The following MAMSTR variants were observed in gnomAD, a reference collection of about 807,000 sequenced individuals.
The protein encoded by MAMSTR is MEF2 activating motif and SAP domain containing transcriptional regulator.
MAMSTR carries 41 observed loss-of-function variants against 42.7 expected under a neutral mutation model. The observed-to-expected ratio is 0.96, with a 90% confidence interval of 0.75 to 1.25. The LOEUF is 1.25. MAMSTR is among the 50% of genes most tolerant of loss of function. The probability of loss-of-function intolerance (pLI) is 0.00; values close to 1 mark genes in which losing one functional copy is unlikely to be tolerated. For missense variants in MAMSTR, 567 were observed against 557.6 expected, an observed-to-expected ratio of 1.02 and a Z score of -0.17; for synonymous variants, 265 against 244.1, an observed-to-expected ratio of 1.09 and a Z score of -0.80.
Position 48,712,952 on chromosome 19 carries a change from C to T in MAMSTR, c.*315G>A, listed in dbSNP as rs1409062087. On this transcript the variant is annotated 3_prime_UTR_variant, in exon 10 of 10. Transcript: ENST00000318083. Reference sequence around the variant, plus strand: ...TCCAGGCTCCCCAAACAACAGGGAGCCATCTACCGGGGTCGGGGGCATGTA... The same window carrying T: ...TCCAGGCTCCCCAAACAACAGGGAGTCATCTACCGGGGTCGGGGGCATGTA... 2 of 257,968 alleles carry T rather than the reference C, an allele frequency of 7.8e-6. No homozygotes were observed. The highest frequency in any genetic ancestry group is 5.5e-5 in the Admixed American group (1 of 18,142). The allele number at this position is 257,968 out of a possible 1,614,324, so 16.0% of individuals were successfully genotyped here. A position where few individuals can be genotyped will look rare whatever the true frequency, so the allele number is the denominator to read the frequency against.
At position 48,719,006 on chromosome 19, in the gene MAMSTR, C is replaced by A; in HGVS notation, c.26G>T (p.Arg9Leu). Reference sequence around the variant, plus strand: ...GAACTTGGAGCGAATGATTTGGGAACGCTGGGAGGAAGCCGCCAGGGTCAT... The same window carrying A: ...GAACTTGGAGCGAATGATTTGGGAAAGCTGGGAGGAAGCCGCCAGGGTCAT... MTLAASSQ[R>L]SQIIRSKFRS... Residue 9 changes from arginine to leucine, a missense_variant, in exon 2 of 10, where the codon CGT (arginine) becomes CTT (leucine). Coordinates refer to ENST00000318083, the MANE Select transcript of MAMSTR (RefSeq NM_001130915.2). The surrounding 1 kb of genome is among the most constrained non-coding windows in gnomAD (Gnocchi z 4.4). 1 of 1,550,676 alleles carries A rather than the reference C, an allele frequency of 6.4e-7. No homozygotes were observed. The highest frequency in any genetic ancestry group is 8.7e-7 in the Non-Finnish European group (1 of 1,146,468).
downstream of MAMSTR, among the ~76,000 whole-genome samples, chr19:48,707,834 G>GA (rs1306801389): frequency 4.5e-5 from 4 of 88,604 alleles, no homozygotes. Flanking sequence ...GACAAAGAAA[G>GA]AAAGGAAAGA....
Position 48,713,115 on chromosome 19 carries a change from G to T in MAMSTR, c.*152C>A. 1 of 685,078 alleles carries T rather than the reference G, an allele frequency of 1.5e-6. No individual in the cohort carries two copies. Among genetic ancestry groups the T allele is most frequent in the Non-Finnish European group, 2.3e-6 (1 of 436,742 alleles). 42.4% of individuals were successfully genotyped at this position (685,078 alleles called of 1,614,324 possible). ...GTAGGCAAAGTTAAGGCAGTTGCAT[G>T]TCAGCAGCACTTCAGGAGGCAGGTG... On this transcript the variant is annotated 3_prime_UTR_variant, in exon 10 of 10. Transcript: ENST00000318083.
chr19:48,713,836 C>T lies in MAMSTR; in HGVS notation c.909+24G>A, dbSNP rs116626237. ...CTGGACCTGACTGGAGAACCCTAGC[C>T]GGATTCAACCCACACCCTCTTACCT... is the stretch of plus-strand genomic sequence containing the variant. On this transcript the variant is annotated intron_variant, in intron 8 of 9. Coordinates refer to ENST00000318083, the MANE Select transcript of MAMSTR (RefSeq NM_001130915.2). 1.5e-3 allele frequency: 2,498 copies of T among 1,614,156 alleles called. 19 individuals carry two copies. In the African/African-American group the frequency reaches 0.028, roughly 18 times the overall value.
downstream of MAMSTR, among the ~76,000 whole-genome samples, chr19:48,712,452 G>C (rs1218759652): frequency 1.4e-5 from 2 of 146,428 alleles, no homozygotes; most frequent in African/African-American, 5.1e-5. Flanking sequence ...ATGGAGTTTA[G>C]CTCCTGTTGC....
intron 2 of MAMSTR, among the ~76,000 whole-genome samples, chr19:48,718,442 C>T (rs964035431): frequency 6.6e-5 from 9 of 135,938 alleles, no homozygotes; most frequent in Non-Finnish European, 9.1e-5. Context: ...GGCTGGAGTG[C>T]AATGGCGTGA....
chr19:48,707,883 G>GAA (rs1555755211), downstream of MAMSTR, among the ~76,000 whole-genome samples: 1 of 106,016 alleles, frequency 9.4e-6, no homozygotes, highest in Non-Finnish European at 2.0e-5. Context: ...AAGAAAGAAA[G>GAA]AAAGAAAAGA....
At chr19:48,712,017 A>G (rs1282138466), downstream of MAMSTR, among the ~76,000 whole-genome samples, 3 of 151,982 alleles carry the variant, frequency 2.0e-5, no homozygotes, top group African/African-American at 7.2e-5. Flanking sequence ...TGGCCTCCCA[A>G]AGTGCTGGGA....
chr19:48,706,542 CAGA>C, the MAMSTR span, among the ~76,000 whole-genome samples: 1 of 151,958 alleles, frequency 6.6e-6, no homozygotes, highest in Admixed American at 6.6e-5. Context: ...GAGGCTGAGA[CAGA>C]AGAATCGCTT....
Position 48,719,057 on chromosome 19 carries a change from A to T in MAMSTR, c.-21-5T>A. 6.5e-7 allele frequency: 1 copy of T among 1,549,674 alleles called. No homozygotes were observed. The highest frequency in any genetic ancestry group is 1.2e-5 in the South Asian group (1 of 84,028). ...TGCCAAGGCCGGGATGGGGACCTGG[A>T]CGGAGAGGGGGCAGGGCAGGGGCCC... is the stretch of plus-strand genomic sequence containing the variant. On this transcript the variant is annotated splice_region_variant and splice_polypyrimidine_tract_variant and intron_variant, in intron 1 of 9. Transcript: ENST00000318083. This position sits in a 1 kb window ranked among gnomAD's most constrained non-coding sequence, Gnocchi z 4.4.
rs755394341 is a variant in MAMSTR, at chr19:48,715,289, C to T, written c.398G>A (p.Gly133Glu). 9 of 1,594,922 alleles carry T rather than the reference C, an allele frequency of 5.6e-6. No homozygotes were observed. The Admixed American group carries it at 1.4e-4, about 25-fold the overall frequency. ...LGPPGPSLWE[G>E]TDSQQPHPRM... ...AGGATGTGGCTGCTGCGAGTCTGTC[C>T]CTTCCCACAGAGATGGCCCAGGAGG... The change falls in exon 5 of 10, where the codon GGG (glycine) becomes GAG (glutamate). Residue 133 changes from glycine to glutamate, a missense_variant. Transcript: ENST00000318083.
Position 48,714,483 on chromosome 19 carries a change from C to G in MAMSTR, c.606G>C (p.Met202Ile). 1 of 1,375,732 alleles carries G rather than the reference C, an allele frequency of 7.3e-7. No homozygotes were observed. The highest frequency in any genetic ancestry group is 9.3e-7 in the Non-Finnish European group (1 of 1,077,398). The allele number at this position is 1,375,732 out of a possible 1,614,324, so 85.2% of individuals were successfully genotyped here. ...SGTKSMLLER[M>I]RGGAPPRERP... ...GCTCGCGGGGCGGCGCGCCGCCGCG[C>G]ATGCGCTCCAGGAGCATAGACTTGG... is the stretch of plus-strand genomic sequence containing the variant. Residue 202 changes from methionine (M) to isoleucine (I), a missense_variant, in exon 7 of 10, where the codon ATG (methionine) becomes ATC (isoleucine). Met to Ile is a conservative substitution (Grantham distance 10). Coordinates refer to ENST00000318083, the MANE Select transcript of MAMSTR (RefSeq NM_001130915.2).
rs759668909 is a variant in MAMSTR, at chr19:48,719,026, G to T, written c.6C>A (p.Thr2=). The change falls in exon 2 of 10, where the codon ACC becomes ACA. Residue 2 remains threonine (T), a synonymous_variant. Coordinates refer to ENST00000318083, the MANE Select transcript of MAMSTR (RefSeq NM_001130915.2). This position sits in a 1 kb window ranked among gnomAD's most constrained non-coding sequence, Gnocchi z 4.4. ...GGGAACGCTGGGAGGAAGCCGCCAG[G>T]GTCATTGCCAAGGCCGGGATGGGGA... M[T]LAASSQRSQI... is the part of the protein sequence containing the mutation. The T allele has an allele frequency of 5.2e-6, 8 of 1,551,168 alleles. No homozygotes were observed. Among genetic ancestry groups the T allele is most frequent in the African/African-American group, 1.4e-5 (1 of 73,006 alleles).
Position 48,715,328 on chromosome 19 carries a change from C to A in MAMSTR, c.359G>T (p.Gly120Val). Residue 120 changes from glycine to valine, a missense_variant, in exon 5 of 10, where the codon GGG (glycine) becomes GTG (valine). Physicochemically the swap from Gly to Val is moderately radical, Grantham distance 109. Transcript: ENST00000318083. ...QGSRADPQAE[G>V]SALGPPGPSL... ...TGGCCCAGGAGGACCCAGGGCGGAC[C>A]CCTCGGCTTGGGGGTCCGCCCTGGA... The A allele has an allele frequency of 6.3e-7, 1 of 1,580,110 alleles. No homozygotes were observed. Among genetic ancestry groups the A allele is most frequent in the Non-Finnish European group, 8.6e-7 (1 of 1,168,676 alleles).
chr19:48,713,954 G>T lies in MAMSTR; in HGVS notation c.815C>A (p.Pro272His). The T allele has an allele frequency of 6.2e-7, 1 of 1,613,542 alleles. No individual in the cohort carries two copies. Among genetic ancestry groups the T allele is most frequent in the Non-Finnish European group, 8.5e-7 (1 of 1,179,782 alleles). ...TAPAPTPTPA[P>H]AAAPALTPSS... ...AGGGGTCAGGGCTGGAGCTGCAGCA[G>T]GAGCCGGAGTGGGAGTTGGAGCCGG... Residue 272 changes from proline (P) to histidine (H), a missense_variant, in exon 8 of 10, where the codon CCT (proline) becomes CAT (histidine). Transcript: ENST00000318083.
At position 48,713,861 on chromosome 19, in the gene MAMSTR, T is replaced by G; in HGVS notation, c.908A>C (p.Gln303Pro). The stretch of plus-strand genomic sequence containing the variant: ...CGGATTCAACCCACACCCTCTTACC[T>G]GCGCCCTCCGGATCGCTTCCTGCAG... ...EELQEAIRRAQLLPNRGIDDI... is the reference protein window; with the variant it reads ...EELQEAIRRAPLLPNRGIDDI... Residue 303 changes from glutamine to proline, a missense_variant and splice_region_variant, in exon 8 of 10, where the codon CAG becomes CCG. By Grantham distance (76) the Gln-to-Pro change is moderately conservative. Coordinates refer to ENST00000318083, the MANE Select transcript of MAMSTR (RefSeq NM_001130915.2). 2 of 1,613,208 alleles carry G rather than the reference T, an allele frequency of 1.2e-6. No individual in the cohort carries two copies. Among genetic ancestry groups the G allele is most frequent in the Non-Finnish European group, 1.7e-6 (2 of 1,179,324 alleles).
chr19:48,715,162 TG>T, intron 5 of MAMSTR, 99 bp downstream of exon 5: 1 of 1,093,312 alleles, frequency 9.1e-7, no homozygotes, highest in Admixed American at 2.2e-5. Flanking sequence ...AAGAGAGGGT[TG>T]GGGGCCCCAA....
rs1229295432 is a variant in MAMSTR at position 48,713,124 on chromosome 19, A to G, written c.*143T>C. On this transcript the variant is annotated 3_prime_UTR_variant, in exon 10 of 10. Transcript: ENST00000318083. ...GTTAAGGCAGTTGCATGTCAGCAGC[A>G]CTTCAGGAGGCAGGTGGGGTTGGAG... 5 of 731,450 alleles carry G rather than the reference A, an allele frequency of 6.8e-6. No individual in the cohort carries two copies. The African/African-American group carries it at 9.1e-5, about 13-fold the overall frequency. 45.3% of individuals were successfully genotyped at this position (731,450 alleles called of 1,614,324 possible).
chr19:48,718,380 CTTTTT>C (rs796615883), intron 2 of MAMSTR, among the ~76,000 whole-genome samples: 3 of 95,156 alleles, frequency 3.2e-5, no homozygotes, highest in African/African-American at 9.0e-5. Flanking sequence ...TTGCACACTT[CTTTTT>C]TTTTTTTTTT....
Sources: allele counts gnomAD v4.1 joint callset (sites outside exome capture counted in the v4.1 genomes callset), GRCh38; gene constraint gnomAD v4.1.1; non-coding constraint Gnocchi (gnomAD v3.1); transcripts MANE v1.5; gene names NCBI Gene and HGNC (gene_info 2026-07-23, HGNC 2026-07-21).